The following TENM1 variants were observed in gnomAD, a reference collection of about 807,000 sequenced individuals.
The protein encoded by TENM1 is teneurin transmembrane protein 1, also known as teneurin-1.
A neutral mutation model predicts 174.8 loss-of-function variants in TENM1; 35 were observed. The observed-to-expected ratio is 0.20, with a 90% CI of 0.15 to 0.27. The LOEUF (loss-of-function observed/expected upper bound fraction) is 0.27. Among genes scored for constraint, TENM1 ranks in the 10% least tolerant of loss-of-function variants. The pLI, the probability that TENM1 is intolerant of heterozygous loss-of-function variation, is 1.00. For missense variants in TENM1, 1,633 were observed against 2,130.1 expected, an observed-to-expected ratio of 0.77 and a Z score of 4.59; for synonymous variants, 781 against 798.7, an observed-to-expected ratio of 0.98 and a Z score of 0.37.
chrX:125,203,765 G>A, the TENM1 span: 2 of 112,503 alleles, frequency 1.8e-5, no homozygotes, highest in African/African-American at 6.4e-5. Flanking sequence ...GGGCGGGAGC[G>A]AGAAGGAATG....
At chrX:124,918,425 C>T (rs2057964209) in intron 1 of TENM1, among the ~76,000 whole-genome samples, 1 of 110,832 alleles carries the variant, frequency 9.0e-6, no homozygotes, top group Non-Finnish European at 1.9e-5. Flanking sequence ...GGTGATCCAC[C>T]TGCCTTGGCC....
chrX:124,982,840 G>T, the TENM1 span, among the ~76,000 whole-genome samples: 1 of 111,932 alleles, frequency 8.9e-6, no homozygotes, highest in Non-Finnish European at 1.9e-5. Context: ...CAGATGTTTA[G>T]TTGGCTAAAA....
the TENM1 span, among the ~76,000 whole-genome samples, chrX:125,092,879 A>G: frequency 8.9e-6 from 1 of 112,097 alleles, no homozygotes; most frequent in Non-Finnish European, 1.9e-5. Context: ...TTATAAGGAT[A>G]TTATTGGAAC....
chrX:125,023,846 T>C, the TENM1 span, among the ~76,000 whole-genome samples: 1 of 111,196 alleles, frequency 9.0e-6, no homozygotes, highest in African/African-American at 3.3e-5. Context: ...AACAAATGGC[T>C]AATATCCAGT....
At chrX:124,380,200 G>A (rs2060141007) in exon 32 of TENM1, 1 of 167,017 alleles carries the variant, frequency 6.0e-6, no homozygotes, top group Non-Finnish European at 1.1e-5. Context: ...TCTCACAATA[G>A]AGATAGAGAA....
At position 124,520,791 on chromosome X, in the gene TENM1, TAAAAAA is replaced by T; in HGVS notation, c.3034-13_3034-8del. On this transcript the variant is annotated splice_polypyrimidine_tract_variant and splice_region_variant and intron_variant, in intron 17 of 31. Coordinates refer to ENST00000422452, the Ensembl canonical transcript of TENM1. ...GAATTTCCTCCTGTACAACCTGAAA[TAAAAAA>T]AAAAAAAAAAAGCCAAATAGGCTCT... is the stretch of plus-strand genomic sequence containing the variant. 5.8e-6 allele frequency: 6 copies of T among 1,035,399 alleles called. No homozygotes were observed. The highest frequency in any genetic ancestry group is 2.2e-5 in the African/African-American group (1 of 46,196). 85.3% of individuals were successfully genotyped at this position (1,035,399 alleles called of 1,213,427 possible).
At chrX:124,449,854 GA>G (rs998062048) in intron 23 of TENM1, among the ~76,000 whole-genome samples, 4 of 111,405 alleles carry the variant, frequency 3.6e-5, no homozygotes, top group African/African-American at 1.3e-4. Flanking sequence ...GGCACATAGA[GA>G]AGCAGAAATT....
At chrX:125,133,379 G>A in the TENM1 span, among the ~76,000 whole-genome samples, 37 of 111,401 alleles carry the variant, frequency 3.3e-4, no homozygotes, top group East Asian at 9.9e-3. Flanking sequence ...TCAAACTCAA[G>A]GTGTAGCCTT....
At chrX:124,843,933 T>G (rs2056555129) in intron 3 of TENM1, among the ~76,000 whole-genome samples, 1 of 111,911 alleles carries the variant, frequency 8.9e-6, no homozygotes, top group Non-Finnish European at 1.9e-5. Context: ...GCCGTAGGAA[T>G]GCAAGGAACA....
At chrX:124,808,715 C>A (rs1197187185) in intron 3 of TENM1, among the ~76,000 whole-genome samples, 1 of 111,758 alleles carries the variant, frequency 8.9e-6, no homozygotes, top group Admixed American at 9.5e-5. Flanking sequence ...AAGCAACATG[C>A]TCTGGAATAA....
intron 3 of TENM1, among the ~76,000 whole-genome samples, chrX:124,842,508 G>A (rs1214559037): frequency 9.0e-6 from 1 of 111,506 alleles, no homozygotes; most frequent in Non-Finnish European, 1.9e-5. Flanking sequence ...AGACTGGGTG[G>A]CTTAAATAAC....
At chrX:124,687,069 T>A (rs2052385090) in intron 5 of TENM1, among the ~76,000 whole-genome samples, 1 of 111,561 alleles carries the variant, frequency 9.0e-6, no homozygotes, top group African/African-American at 3.3e-5. Flanking sequence ...TTCAGCAAAG[T>A]CTCAGGATAC....
intron 18 of TENM1, among the ~76,000 whole-genome samples, chrX:124,505,520 C>T (rs977233999): frequency 1.3e-4 from 15 of 111,281 alleles, no homozygotes; most frequent in African/African-American, 4.6e-4. Context: ...TGGTAAAGTG[C>T]AAAGAGTTGG....
chrX:124,607,208 GATGTGT>G (rs1189495694), intron 11 of TENM1, among the ~76,000 whole-genome samples: 1 of 111,327 alleles, frequency 9.0e-6, no homozygotes, highest in Non-Finnish European at 1.9e-5. Context: ...CTTATTTTCT[GATGTGT>G]ATGTGTATGT....
At chrX:124,515,488 C>T (rs752044169) in intron 18 of TENM1, among the ~76,000 whole-genome samples, 4 of 111,744 alleles carry the variant, frequency 3.6e-5, no homozygotes, top group Non-Finnish European at 7.5e-5. Context: ...CTGATAACTT[C>T]AGCAAAGTTT....
chrX:124,965,388 T>C (rs1036856745), upstream of TENM1, among the ~76,000 whole-genome samples: 2 of 111,905 alleles, frequency 1.8e-5, no homozygotes, highest in Non-Finnish European at 3.8e-5. Flanking sequence ...CTATGTAGGC[T>C]GATTTTTTAA....
the TENM1 span, among the ~76,000 whole-genome samples, chrX:124,976,027 T>G: frequency 9.0e-6 from 1 of 111,080 alleles, no homozygotes; most frequent in Non-Finnish European, 1.9e-5. Flanking sequence ...AGACTGGAAG[T>G]TTTAAAAAAT....
chrX:124,546,518 T>C (rs1663248578), intron 15 of TENM1, among the ~76,000 whole-genome samples: 2 of 111,995 alleles, frequency 1.8e-5, no homozygotes, highest in African/African-American at 6.5e-5. Flanking sequence ...ACATTTTTCA[T>C]CATGAAATAA....
intron 27 of TENM1, among the ~76,000 whole-genome samples, chrX:124,393,513 G>A (rs1380368254): frequency 8.9e-6 from 1 of 112,000 alleles, no homozygotes; most frequent in African/African-American, 3.3e-5. Flanking sequence ...CTGTGGAAGA[G>A]GGGAGCTTTG....
Sources: allele counts gnomAD v4.1 joint callset (sites outside exome capture counted in the v4.1 genomes callset), GRCh38; gene constraint gnomAD v4.1.1; transcripts MANE v1.5; gene names NCBI Gene and HGNC (gene_info 2026-07-23, HGNC 2026-07-21).